Variants in TMEM68 observed in about 807,000 individuals in gnomAD.
TMEM68 encodes DGAT1/2-independent enzyme synthesizing storage lipids.
TMEM68 carries 25 observed loss-of-function variants against 36.9 expected under a neutral mutation model. The observed-to-expected ratio is 0.68, with a 90% confidence interval of 0.49 to 0.95. The LOEUF (loss-of-function observed/expected upper bound fraction) is 0.95. Ranked by LOEUF, TMEM68 falls within the 40% of genes least tolerant of loss-of-function variation. The pLI, the probability that TMEM68 is intolerant of heterozygous loss-of-function variation, is 0.00. For missense variants in TMEM68, 333 were observed against 392.0 expected, an observed-to-expected ratio of 0.85 and a Z score of 1.27; for synonymous variants, 131 against 124.4, an observed-to-expected ratio of 1.05 and a Z score of -0.35.
At position 55,739,444 on chromosome 8, in the gene TMEM68, A is replaced by T. The variant is rs933195601; in HGVS notation, c.*688T>A. The T allele has an allele frequency of 6.6e-6, 1 of 152,244 alleles. No homozygotes were observed. Among genetic ancestry groups the T allele is most frequent in the Admixed American group, 6.6e-5 (1 of 15,230 alleles). The allele number at this position is 152,244 out of a possible 1,614,324, so 9.4% of individuals were successfully genotyped here. Reference sequence around the variant, plus strand: ...TTTTTCCTAATTTTTTATTCAATTTAAAAAATAATACATCTTTTTCATTGT... The same window carrying T: ...TTTTTCCTAATTTTTTATTCAATTTTAAAAATAATACATCTTTTTCATTGT... On this transcript the variant is annotated 3_prime_UTR_variant, in exon 8 of 8. Transcript: ENST00000434581.
intron 1 of TMEM68, among the ~76,000 whole-genome samples, chr8:55,772,067 C>A (rs1213252537): frequency 6.6e-6 from 1 of 152,116 alleles, no homozygotes; most frequent in Non-Finnish European, 1.5e-5. Context: ...CTACTCATCC[C>A]AATAATGCTG....
Position 55,739,933 on chromosome 8 carries a change from G to A in TMEM68, c.*199C>T, listed in dbSNP as rs1406103957. 3 of 499,338 alleles carry A rather than the reference G, an allele frequency of 6.0e-6. No homozygotes were observed. The highest frequency in any genetic ancestry group is 1.0e-5 in the Non-Finnish European group (3 of 286,114). The allele number at this position is 499,338 out of a possible 1,614,324, so 30.9% of individuals were successfully genotyped here. The stretch of plus-strand genomic sequence containing the variant: ...GACATCTTTTTCTGAATTACTAGGT[G>A]TGTAATTTGTTAGTATTTGACACAA... On this transcript the variant is annotated 3_prime_UTR_variant, in exon 8 of 8. Transcript: ENST00000434581.
At position 55,773,358 on chromosome 8, in the gene TMEM68, G is replaced by A. The variant is rs1811259878; in HGVS notation, c.-204C>T. The A allele has an allele frequency of 7.8e-6, 3 of 386,354 alleles. No individual in the cohort carries two copies. Among genetic ancestry groups the A allele is most frequent in the African/African-American group, 4.2e-5 (2 of 47,500 alleles). The allele number at this position is 386,354 out of a possible 1,614,324, so 23.9% of individuals were successfully genotyped here. ...CGGATTCCTCCGAAGCAACCCGTGT[G>A]AAAGAAGCCAAGCGGCGGCTGCAGC... On this transcript the variant is annotated 5_prime_UTR_variant, in exon 1 of 8. Transcript: ENST00000434581.
intron 5 of TMEM68, among the ~76,000 whole-genome samples, chr8:55,748,709 T>A (rs1249159031): frequency 1.3e-5 from 2 of 152,074 alleles, no homozygotes; most frequent in African/African-American, 4.8e-5. Flanking sequence ...CAGGCTCCAG[T>A]CATCCTCCAA....
intron 7 of TMEM68, among the ~76,000 whole-genome samples, chr8:55,741,510 C>T (rs1810101976): frequency 1.3e-5 from 2 of 152,252 alleles, no homozygotes; most frequent in Admixed American, 6.5e-5. Flanking sequence ...AACGAAGAAT[C>T]AAGTACAAAG....
intron 3 of TMEM68, among the ~76,000 whole-genome samples, chr8:55,757,982 CA>C (rs757435307): frequency 3.0e-4 from 46 of 152,184 alleles, no homozygotes; most frequent in Non-Finnish European, 6.3e-4. Flanking sequence ...ACCCCAGCAC[CA>C]GGGGGAATGA....
chr8:55,763,789 G>C (rs1810881016), intron 2 of TMEM68, 147 bp downstream of exon 2: 1 of 4,988 alleles, frequency 2.0e-4, no homozygotes, highest in South Asian at 6.1e-3. Flanking sequence ...AATGGATATT[G>C]TTTTTTTATA....
intron 7 of TMEM68, among the ~76,000 whole-genome samples, chr8:55,742,033 G>T (rs1319207063): frequency 6.6e-6 from 1 of 152,124 alleles, no homozygotes; most frequent in African/African-American, 2.4e-5. Flanking sequence ...TGCAGCCAGG[G>T]TTACAGAGTA....
intron 5 of TMEM68, chr8:55,747,460 AT>A (rs1254024794): frequency 1.3e-5 from 2 of 152,134 alleles, no homozygotes; most frequent in Non-Finnish European, 2.9e-5. Flanking sequence ...AGAAGACAAA[AT>A]ACACTGAATT....
chr8:55,770,880 G>A (rs1258864677), intron 1 of TMEM68, among the ~76,000 whole-genome samples: 1 of 152,144 alleles, frequency 6.6e-6, no homozygotes, highest in African/African-American at 2.4e-5. Flanking sequence ...ACAAGGCCAC[G>A]CGCGGTGGCT....
chr8:55,743,424 A>C (rs139375900), intron 7 of TMEM68, 57 bp downstream of exon 7: 1 of 1,485,708 alleles, frequency 6.7e-7, no homozygotes, highest in African/African-American at 1.4e-5. Flanking sequence ...GAGATTCAAA[A>C]TATAATAATT....
chr8:55,767,238 C>A (rs1208703630), intron 1 of TMEM68, among the ~76,000 whole-genome samples: 4 of 152,130 alleles, frequency 2.6e-5, no homozygotes, highest in African/African-American at 9.7e-5. Context: ...ACCATATAAG[C>A]ATTAACTATT....
intron 4 of TMEM68, among the ~76,000 whole-genome samples, chr8:55,754,867 T>TAC (rs1563432476): frequency 3.0e-5 from 4 of 135,052 alleles, no homozygotes; most frequent in South Asian, 2.1e-4. Flanking sequence ...ATATATAAAA[T>TAC]ATATAGTATA....
chr8:55,760,993 C>A (rs900197630), intron 3 of TMEM68: 1 of 152,226 alleles, frequency 6.6e-6, no homozygotes. Flanking sequence ...CCAAGGTTCT[C>A]TCTGGTTTTA....
At chr8:55,756,027 G>T (rs1278018991) in intron 4 of TMEM68, among the ~76,000 whole-genome samples, 1 of 151,794 alleles carries the variant, frequency 6.6e-6, no homozygotes, top group Non-Finnish European at 1.5e-5. Flanking sequence ...AATAAAAAAT[G>T]AGCTAACATT....
At chr8:55,762,097 C>T (rs1810809174) in intron 3 of TMEM68, 2 of 152,120 alleles carry the variant, frequency 1.3e-5, no homozygotes, top group African/African-American at 2.4e-5. Context: ...CAAAATTTCT[C>T]GAGTAATAAA....
intron 4 of TMEM68, among the ~76,000 whole-genome samples, chr8:55,752,570 A>G (rs1035987088): frequency 7.9e-5 from 12 of 152,214 alleles, no homozygotes; most frequent in Admixed American, 4.6e-4. Context: ...CCTGGGCAAC[A>G]GAGCAAGACT....
chr8:55,740,944 G>A (rs527501590), intron 7 of TMEM68, among the ~76,000 whole-genome samples: 10 of 152,198 alleles, frequency 6.6e-5, no homozygotes, highest in Admixed American at 2.6e-4. Context: ...ATAAAAATAC[G>A]CCCCTTTGGC....
Position 55,743,529 on chromosome 8 carries a change from G to T in TMEM68, c.840C>A (p.Asp280Glu). 6.5e-7 allele frequency: 1 copy of T among 1,535,834 alleles called. No individual in the cohort carries two copies. The highest frequency in any genetic ancestry group is 1.2e-5 in the South Asian group (1 of 84,016). The part of the protein sequence containing the change: ...FPVKLRTYLG[D>E]PIPYDPQITA... ...TTATCTGTGGGTCATACGGAATGGG[G>T]TCGCCTAAATAGGTCCGTAACTTCA... The change falls in exon 7 of 8, where the codon GAC (aspartate) becomes GAA (glutamate). Residue 280 changes from aspartate to glutamate, a missense_variant. Coordinates refer to ENST00000434581, the MANE Select transcript of TMEM68 (RefSeq NM_001286657.2).
Sources: gnomAD v4.1 joint callset for allele counts (sites outside exome capture counted in the v4.1 genomes callset) on GRCh38, gnomAD v4.1.1 for gene constraint, MANE v1.5 for transcripts, NCBI Gene and HGNC (gene_info 2026-07-23, HGNC 2026-07-21) for gene names.